FBN2: variants seen among roughly 807,000 people sequenced by gnomAD.
The protein encoded by FBN2 is fibrillin-2.
In FBN2, 105 loss-of-function variants were observed where a neutral mutation model predicts 355.6. That is an observed-to-expected ratio of 0.30 (90% CI 0.25 to 0.35). The LOEUF (loss-of-function observed/expected upper bound fraction) is 0.35, where lower values mean the gene tolerates loss of function less well. FBN2 is among the 10% of genes least tolerant of loss of function. The pLI is 1.00. For missense variants in FBN2, 3,280 were observed against 3,758.7 expected (o/e 0.87, Z 3.33); for synonymous variants, 1,350 against 1,301.2 (o/e 1.04, Z -0.81).
intron 48 of FBN2, among the ~76,000 whole-genome samples, chr5:128,295,028 G>A (rs1749462710): frequency 2.6e-5 from 4 of 151,214 alleles, no homozygotes; most frequent in South Asian, 4.2e-4. Flanking sequence ...TGTAAGGAAG[G>A]GATCTAGTTT....
At chr5:128,441,668 G>A (rs10059301) in intron 7 of FBN2, among the ~76,000 whole-genome samples, 16,541 of 152,152 alleles carry the variant, frequency 0.11, 1,066 homozygotes, top group African/African-American at 0.17. Context: ...GCAGAGTCAG[G>A]CAAGAAAAAT....
intron 63 of FBN2, among the ~76,000 whole-genome samples, chr5:128,262,887 T>C (rs114219702): frequency 2.4e-3 from 360 of 152,302 alleles, no homozygotes; most frequent in African/African-American, 8.0e-3. Context: ...GTGCGCCTAG[T>C]TGGAGGGAAG....
intron 1 of FBN2, among the ~76,000 whole-genome samples, chr5:128,536,977 G>A (rs1481720123): frequency 2.6e-5 from 4 of 152,082 alleles, no homozygotes; most frequent in Non-Finnish European, 5.9e-5. Flanking sequence ...CACGAGCGGC[G>A]GCCCCGACGT....
rs778740944 is a variant in FBN2, at chr5:128,274,661, C to T, written c.7617G>A (p.Lys2539=). ...CACAGAGGAACTGGCAGTTATGCTGCTTTGTTTGACATTCATCAAGGTCTG... is the reference window on the plus strand; with the variant it reads ...CACAGAGGAACTGGCAGTTATGCTGTTTTGTTTGACATTCATCAAGGTCTG... The part of the protein sequence containing the change: ...TCKDLDECQT[K]QHNCQFLCVN... Residue 2539 remains lysine, a synonymous_variant, in exon 60 of 65, where the codon AAG becomes AAA. Coordinates refer to ENST00000262464, the MANE Select transcript of FBN2 (RefSeq NM_001999.4). The T allele has an allele frequency of 1.2e-6, 2 of 1,610,922 alleles. No homozygotes were observed. The highest frequency in any genetic ancestry group is 2.2e-5 in the East Asian group (1 of 44,846).
chr5:128,400,551 A>T (rs1447315814), intron 8 of FBN2, among the ~76,000 whole-genome samples: 1 of 152,178 alleles, frequency 6.6e-6, no homozygotes, highest in Non-Finnish European at 1.5e-5. Flanking sequence ...GCACCCATCA[A>T]TTGGAGAACA....
rs768485269 is a variant in FBN2, at chr5:128,364,686, T to C, written c.2342A>G (p.Asn781Ser). ...ACCACGTAAGTTTTCACAAATCCCA[T>C]TGGCACATATATCAGGATCCAAAGC... ...ECALDPDICA[N>S]GICENLRGSY... is the part of the protein sequence containing the mutation. Residue 781 changes from asparagine (N) to serine (S), a missense_variant, in exon 18 of 65, where the codon AAT becomes AGT. Asn to Ser is a conservative substitution (Grantham distance 46). Around this residue, in one of 6 missense-constraint regions of FBN2, gnomAD observed 2,284 missense variants for 2,749.5 expected, o/e 0.83. Coordinates refer to ENST00000262464, the MANE Select transcript of FBN2 (RefSeq NM_001999.4). The C allele has an allele frequency of 5.0e-6, 8 of 1,613,062 alleles. No homozygotes were observed. The East Asian group carries it at 8.9e-5, about 18-fold the overall frequency.
At chr5:128,452,260 C>T (rs536600022) in intron 6 of FBN2, among the ~76,000 whole-genome samples, 3 of 152,242 alleles carry the variant, frequency 2.0e-5, no homozygotes, top group African/African-American at 7.2e-5. Context: ...GTTATCTTTG[C>T]TCATTCCTTC....
intron 7 of FBN2, among the ~76,000 whole-genome samples, chr5:128,428,575 G>A (rs1015316094): frequency 3.3e-5 from 5 of 152,110 alleles, no homozygotes; most frequent in Non-Finnish European, 5.9e-5. Context: ...CTGAAATAAG[G>A]CCATGTCAGT....
intron 46 of FBN2, 54 bp from the exon 47 acceptor site, chr5:128,301,564 T>C (rs1487099133): frequency 1.9e-6 from 3 of 1,558,704 alleles, no homozygotes; most frequent in Non-Finnish European, 2.6e-6. Flanking sequence ...ATGTATATTG[T>C]TTCACAAGAC....
At position 128,537,923 on chromosome 5, in the gene FBN2, G is replaced by T; in HGVS notation, c.-320C>A. 1 of 420,836 alleles carries T rather than the reference G, an allele frequency of 2.4e-6. No individual in the cohort carries two copies. Among genetic ancestry groups the T allele is most frequent in the Non-Finnish European group, 4.2e-6 (1 of 237,624 alleles). 26.1% of individuals were successfully genotyped at this position (420,836 alleles called of 1,614,324 possible). A position where few individuals can be genotyped will look rare whatever the true frequency, so the allele number is the denominator to read the frequency against. On this transcript the variant is annotated 5_prime_UTR_variant, in exon 1 of 65. Transcript: ENST00000262464. ...CGACTCCAGGACCGTCAGCGGGCGG[G>T]GGAGGAAATTACAAAAGCCCTGGCG...
chr5:128,440,471 G>T (rs1753890962), intron 7 of FBN2, among the ~76,000 whole-genome samples: 1 of 152,136 alleles, frequency 6.6e-6, no homozygotes, highest in Non-Finnish European at 1.5e-5. Flanking sequence ...ACAGAAGGGG[G>T]AAGAGCTACA....
chr5:128,329,852 T>TATTC (rs2126888080), intron 33 of FBN2, among the ~76,000 whole-genome samples: 1 of 152,270 alleles, frequency 6.6e-6, no homozygotes, highest in South Asian at 2.1e-4. Flanking sequence ...AACTGAAGAG[T>TATTC]ATTCAACTTT....
At chr5:128,299,435 A>ACTGCCGCCTTG (rs376537767) in intron 48 of FBN2, among the ~76,000 whole-genome samples, 1 of 126,026 alleles carries the variant, frequency 7.9e-6, no homozygotes, top group Non-Finnish European at 1.6e-5. Flanking sequence ...CCCCAGCCTC[A>ACTGCCGCCTTG]CAGTTTGATC....
At chr5:128,449,388 T>TAATA (rs1754164200) in intron 6 of FBN2, among the ~76,000 whole-genome samples, 2 of 94,186 alleles carry the variant, frequency 2.1e-5, no homozygotes, top group Admixed American at 2.0e-4. Context: ...GTATACTATA[T>TAATA]AATAGTATAC....
intron 51 of FBN2, 151 bp from the exon 52 acceptor site, chr5:128,289,403 G>A (rs371444271): frequency 2.6e-6 from 2 of 768,056 alleles, no homozygotes; most frequent in Admixed American, 2.0e-5. Flanking sequence ...GGGCAACATG[G>A]CGAAACCCCA....
intron 7 of FBN2, among the ~76,000 whole-genome samples, chr5:128,444,159 G>A (rs967337995): frequency 5.3e-5 from 7 of 131,386 alleles, no homozygotes; most frequent in Admixed American, 9.1e-5. Context: ...TGCAAGCTCC[G>A]CCTCCTGGGT....
intron 55 of FBN2, among the ~76,000 whole-genome samples, chr5:128,280,951 G>A (rs1302130983): frequency 6.6e-6 from 1 of 151,968 alleles, no homozygotes; most frequent in African/African-American, 2.4e-5. Context: ...TTTTGTTTGA[G>A]GTTTCTTTCA....
chr5:128,336,358 C>A (rs1750842440), intron 27 of FBN2, among the ~76,000 whole-genome samples: 1 of 152,184 alleles, frequency 6.6e-6, no homozygotes, highest in Non-Finnish European at 1.5e-5. Context: ...TACACAGCTG[C>A]ATGTGCTACT....
At chr5:128,417,823 G>C (rs1218514314) in intron 7 of FBN2, among the ~76,000 whole-genome samples, 3 of 151,890 alleles carry the variant, frequency 2.0e-5, no homozygotes, top group Non-Finnish European at 4.4e-5. Flanking sequence ...TTGTTGTTTT[G>C]TCCTTGTCTG....
Sources: gnomAD v4.1 joint callset for allele counts (sites outside exome capture counted in the v4.1 genomes callset) on GRCh38, gnomAD v4.1.1 for gene constraint, gnomAD v4.1.1 regional missense constraint, MANE v1.5 for transcripts, NCBI Gene and HGNC (gene_info 2026-07-23, HGNC 2026-07-21) for gene names.